INPP4B: variants seen among roughly 807,000 people sequenced by gnomAD.
INPP4B encodes inositol polyphosphate 4-phosphatase type II.
A neutral mutation model predicts 122.5 loss-of-function variants in INPP4B; 55 were observed. That is an observed-to-expected ratio of 0.45 (90% confidence interval 0.36 to 0.56). The LOEUF is 0.56. Among genes scored for constraint, INPP4B ranks in the 20% least tolerant of loss-of-function variants. The pLI is 0.00. For synonymous variants in INPP4B, 403 were observed against 388.7 expected (o/e 1.04, Z -0.43); for missense variants, 1,000 against 1,097.7 (o/e 0.91, Z 1.26).
chr4:142,334,709 T>G (rs1300275516), intron 7 of INPP4B, among the ~76,000 whole-genome samples: 1 of 152,222 alleles, frequency 6.6e-6, no homozygotes, highest in East Asian at 1.9e-4. Flanking sequence ...TCAGTGAAGC[T>G]AGGCAATTTT....
intron 23 of INPP4B, among the ~76,000 whole-genome samples, chr4:142,102,320 T>C (rs1784823924): frequency 6.6e-6 from 1 of 152,060 alleles, no homozygotes; most frequent in Non-Finnish European, 1.5e-5. Context: ...TAAACCTAAG[T>C]CCTTGACATG....
At chr4:142,755,505 G>C (rs921271885) in intron 1 of INPP4B, among the ~76,000 whole-genome samples, 1 of 151,728 alleles carries the variant, frequency 6.6e-6, no homozygotes, top group African/African-American at 2.4e-5. Flanking sequence ...CTTTTAAAAA[G>C]AGTTATTGTA....
chr4:142,609,413 T>C (rs2150331015), intron 2 of INPP4B, among the ~76,000 whole-genome samples: 1 of 152,150 alleles, frequency 6.6e-6, no homozygotes, highest in East Asian at 1.9e-4. Context: ...TAAGTAAATG[T>C]GAGTTTTTAT....
chr4:142,495,717 A>T (rs2149798754), intron 2 of INPP4B, among the ~76,000 whole-genome samples: 1 of 152,274 alleles, frequency 6.6e-6, no homozygotes, highest in African/African-American at 2.4e-5. Context: ...AAAGGTGAGA[A>T]TAATTTTACT....
At chr4:142,680,045 G>A (rs1250398180) in intron 2 of INPP4B, among the ~76,000 whole-genome samples, 1 of 151,752 alleles carries the variant, frequency 6.6e-6, no homozygotes, top group Non-Finnish European at 1.5e-5. Flanking sequence ...AAGCTGGCTG[G>A]TTTTAGCTAG....
intron 14 of INPP4B, among the ~76,000 whole-genome samples, chr4:142,195,885 C>G (rs1837988781): frequency 1.3e-5 from 2 of 152,152 alleles, no homozygotes; most frequent in South Asian, 4.1e-4. Context: ...CAGGCCCTGA[C>G]ACTTCAGCTG....
chr4:142,137,966 A>G (rs1406562041), intron 18 of INPP4B, among the ~76,000 whole-genome samples: 2 of 152,138 alleles, frequency 1.3e-5, no homozygotes, highest in African/African-American at 4.8e-5. Flanking sequence ...ACCATTGTGG[A>G]AGTCAGAGTG....
intron 9 of INPP4B, among the ~76,000 whole-genome samples, chr4:142,288,342 T>A (rs1754808894): frequency 6.6e-6 from 1 of 152,212 alleles, no homozygotes; most frequent in Admixed American, 6.5e-5. Context: ...CCCAGCACTT[T>A]GAGAGGCCAA....
At chr4:142,069,871 C>G (rs1000938737) in intron 25 of INPP4B, among the ~76,000 whole-genome samples, 16 of 152,128 alleles carry the variant, frequency 1.1e-4, no homozygotes, top group Non-Finnish European at 2.9e-5. Flanking sequence ...AAGTCCAGGA[C>G]CAGATGTATT....
intron 2 of INPP4B, among the ~76,000 whole-genome samples, chr4:142,500,849 T>C (rs1275322909): frequency 1.3e-5 from 2 of 152,034 alleles, no homozygotes; most frequent in Non-Finnish European, 2.9e-5. Flanking sequence ...AATTAGAAAG[T>C]AGAATGGTAG....
chr4:142,390,340 C>T (rs1044349871), intron 7 of INPP4B, among the ~76,000 whole-genome samples: 3 of 152,112 alleles, frequency 2.0e-5, no homozygotes, highest in Non-Finnish European at 2.9e-5. Flanking sequence ...GTTTGGAAAG[C>T]GGAGTCTTCC....
chr4:142,318,674 T>A (rs1768790127), intron 7 of INPP4B, among the ~76,000 whole-genome samples: 1 of 152,180 alleles, frequency 6.6e-6, no homozygotes, highest in African/African-American at 2.4e-5. Context: ...ATGGTAGTGA[T>A]CATGTAGAAA....
chr4:142,646,543 AG>A (rs1751823010), intron 2 of INPP4B, among the ~76,000 whole-genome samples: 1 of 152,216 alleles, frequency 6.6e-6, no homozygotes, highest in African/African-American at 2.4e-5. Context: ...GTTGATTATG[AG>A]GACAGAATGT....
chr4:142,116,230 A>T (rs944146988), intron 21 of INPP4B, among the ~76,000 whole-genome samples: 3 of 152,074 alleles, frequency 2.0e-5, no homozygotes, highest in African/African-American at 7.2e-5. Context: ...TTAACACCTC[A>T]CTCTCAACGT....
rs750854302 is a variant in INPP4B, at chr4:142,028,783, T to C, written c.2774A>G (p.Ter925=). Residue 925 remains the stop codon, a stop_retained_variant, in exon 26 of 26, where the codon TAA becomes TGA. Coordinates refer to ENST00000262992, the MANE Select transcript of INPP4B (RefSeq NM_001101669.3). Reference sequence around the variant, plus strand: ...CTGTTTATTAACATGTTGGTAAACTTAGGTGTCAGCTTTTCCATAAGTCCC... The same window carrying C: ...CTGTTTATTAACATGTTGGTAAACTCAGGTGTCAGCTTTTCCATAAGTCCC... ...PEGTYGKADT[*] The C allele has an allele frequency of 6.2e-7, 1 of 1,609,032 alleles. No homozygotes were observed.
intron 16 of INPP4B, among the ~76,000 whole-genome samples, chr4:142,161,865 T>C (rs1421029036): frequency 1.3e-5 from 2 of 151,886 alleles, no homozygotes; most frequent in East Asian, 1.9e-4. Flanking sequence ...TGTGGTGATA[T>C]GTTTTAGGGA....
intron 12 of INPP4B, among the ~76,000 whole-genome samples, chr4:142,214,549 C>T (rs565210821): frequency 4.9e-4 from 75 of 152,234 alleles, no homozygotes; most frequent in African/African-American, 1.7e-3. Flanking sequence ...GTTCAAAGCA[C>T]GTCAATTCTT....
At chr4:142,602,748 T>G (rs1418135953) in intron 2 of INPP4B, among the ~76,000 whole-genome samples, 2 of 152,128 alleles carry the variant, frequency 1.3e-5, no homozygotes, top group East Asian at 3.9e-4. Flanking sequence ...AAGGAACACT[T>G]TTGCACGTTG....
At chr4:142,365,913 G>A in intron 7 of INPP4B, among the ~76,000 whole-genome samples, 1 of 151,938 alleles carries the variant, frequency 6.6e-6, no homozygotes, top group Non-Finnish European at 1.5e-5. Context: ...ATTTTAAAAA[G>A]CGTTTTCTCA....
Sources: gnomAD v4.1 joint callset for allele counts (sites outside exome capture counted in the v4.1 genomes callset) on GRCh38, gnomAD v4.1.1 for gene constraint, MANE v1.5 for transcripts, NCBI Gene and HGNC (gene_info 2026-07-23, HGNC 2026-07-21) for gene names.